Variants in BRWD1 observed in about 807,000 individuals in gnomAD.
The protein encoded by BRWD1 is bromodomain and WD repeat-containing protein 1.
In BRWD1, 82 loss-of-function variants were observed where a neutral mutation model predicts 251.2. That is an observed-to-expected ratio of 0.33 (90% CI 0.27 to 0.39). BRWD1 has a LOEUF of 0.39. BRWD1 is among the 10% of genes least tolerant of loss of function. The pLI is 1.00. For synonymous variants in BRWD1, 918 were observed against 902.8 expected (o/e 1.02, Z -0.30); for missense variants, 2,233 against 2,711.6 (o/e 0.82, Z 3.92).
At chr21:39,314,417 T>C (rs1195210677), upstream of BRWD1, 2 of 441,074 alleles carry the variant, frequency 4.5e-6, no homozygotes, top group Non-Finnish European at 9.2e-6. Context: ...CATCCAAGCA[T>C]GGACAGGAAA....
rs1158759780 is a variant in BRWD1, at chr21:39,281,910, G to A, written c.832-1662C>T. Among the ~76,000 whole-genome samples, 3 of 74,978 alleles carry A rather than the reference G, an allele frequency of 4.0e-5. No individual in the cohort carries two copies. In the South Asian group the frequency reaches 9.7e-4, roughly 24 times the overall value. 49.2% of individuals were successfully genotyped at this position (74,978 alleles called of 152,430 possible). A position where few individuals can be genotyped will look rare whatever the true frequency, so the allele number is the denominator to read the frequency against. Reference sequence around the variant, plus strand: ...TATATATATGTATGTATGTATACATGTATATATATACGTATACATACATAT... The same window carrying A: ...TATATATATGTATGTATGTATACATATATATATATACGTATACATACATAT... On this transcript the variant is annotated intron_variant, in intron 8 of 40. Transcript: ENST00000342449.
chr21:39,315,283 G>C (rs902417304), upstream of BRWD1, among the ~76,000 whole-genome samples: 1 of 151,774 alleles, frequency 6.6e-6, no homozygotes, highest in Non-Finnish European at 1.5e-5. Flanking sequence ...GGGATTACAT[G>C]CATGAGCCAC....
In BRWD1 at chr21:39,259,265, T is replaced by C. The variant is rs560162889; in HGVS notation, c.1886-593A>G. 2.1e-4 allele frequency among the ~76,000 whole-genome samples: 32 copies of C among 152,280 alleles called. 1 individual carries two copies. The South Asian group carries it at 5.0e-3, about 24-fold the overall frequency. On this transcript the variant is annotated intron_variant, in intron 17 of 40. Coordinates refer to ENST00000342449, the MANE Select transcript of BRWD1 (RefSeq NM_033656.4). ...TACTCTCTTAGATATGTTTTTAACA[T>C]AGCTACTACCCATAATTCTTACTTC...
intron 13 of BRWD1, among the ~76,000 whole-genome samples, chr21:39,271,841 C>A (rs527550737): frequency 6.6e-6 from 1 of 151,530 alleles, no homozygotes; most frequent in Non-Finnish European, 1.5e-5. Context: ...GAGTTCCAGA[C>A]CAACCTGGCC....
At chr21:39,243,507 G>A (rs899181985) in intron 21 of BRWD1, among the ~76,000 whole-genome samples, 6 of 152,016 alleles carry the variant, frequency 3.9e-5, no homozygotes, top group African/African-American at 9.7e-5. Context: ...TTACACTGGC[G>A]CAACCAAGGC....
Position 39,185,821 on chromosome 21 carries a change from G to T in BRWD1, c.*10438C>A, listed in dbSNP as rs1007257955. 2.6e-5 allele frequency: 4 copies of T among 152,080 alleles called. No homozygotes were observed. Among genetic ancestry groups the T allele is most frequent in the Admixed American group, 2.6e-4 (4 of 15,278 alleles). 9.4% of individuals were successfully genotyped at this position (152,080 alleles called of 1,614,324 possible). ...CATATATTCAGATATTTTTAAATGG[G>T]AAAACAACTTACTTTCAACAACTTA... On this transcript the variant is annotated 3_prime_UTR_variant, in exon 41 of 41. Transcript: ENST00000342449.
intron 8 of BRWD1, among the ~76,000 whole-genome samples, chr21:39,290,336 A>T (rs1407523273): frequency 3.3e-5 from 5 of 151,702 alleles, no homozygotes; most frequent in Admixed American, 3.3e-4. Context: ...AAAAATACAA[A>T]AAATTAGCCG....
In BRWD1 at chr21:39,295,892, G is replaced by T; in HGVS notation, c.460C>A (p.Arg154=). The part of the protein sequence containing the change: ...GSPPNLVEIH[R]GKQLTGCSTF... ...GAACACCCTGTGAGTTGTTTTCCTC[G>T]ATGTATCTCCACTAGGAAATAAAAA... is the stretch of plus-strand genomic sequence containing the variant. Residue 154 remains arginine (R), a synonymous_variant, in exon 7 of 41, where the codon CGA becomes AGA. Coordinates refer to ENST00000342449, the MANE Select transcript of BRWD1 (RefSeq NM_033656.4). 1 of 1,596,408 alleles carries T rather than the reference G, an allele frequency of 6.3e-7. No individual in the cohort carries two copies.
At chr21:39,309,735 G>A (rs2036409108) in intron 4 of BRWD1, among the ~76,000 whole-genome samples, 1 of 149,092 alleles carries the variant, frequency 6.7e-6, no homozygotes, top group East Asian at 2.0e-4. Flanking sequence ...TGAGGCTGGA[G>A]AATGGCGTGA....
intron 38 of BRWD1, among the ~76,000 whole-genome samples, chr21:39,201,069 C>G (rs2032085555): frequency 6.6e-6 from 1 of 152,222 alleles, no homozygotes; most frequent in Admixed American, 6.5e-5. Flanking sequence ...AAGACACCAT[C>G]ATTTCAATTC....
At chr21:39,252,942 A>G (rs1242691158) in intron 19 of BRWD1, among the ~76,000 whole-genome samples, 3 of 152,174 alleles carry the variant, frequency 2.0e-5, no homozygotes, top group Admixed American at 6.5e-5. Flanking sequence ...ACAAATACAG[A>G]TATGTAATAG....
At chr21:39,220,775 ACAAG>A (rs996131221) in intron 29 of BRWD1, among the ~76,000 whole-genome samples, 4 of 152,336 alleles carry the variant, frequency 2.6e-5, no homozygotes, top group African/African-American at 9.6e-5. Context: ...GATGAAAACA[ACAAG>A]CAGTAAGGTG....
chr21:39,317,245 C>A (rs2836982), upstream of BRWD1: 94,404 of 151,688 alleles, frequency 0.62, 29,642 homozygotes, highest in African/African-American at 0.68. Context: ...AATTCAATCC[C>A]AGCCATTCCA....
chr21:39,214,355 C>G (rs1189024593), intron 32 of BRWD1, among the ~76,000 whole-genome samples: 1 of 152,058 alleles, frequency 6.6e-6, no homozygotes, highest in Admixed American at 6.5e-5. Context: ...AGGACATAAT[C>G]TGAAACATTA....
Position 39,195,777 on chromosome 21 carries a change from AT to A in BRWD1, c.*481del. On this transcript the variant is annotated 3_prime_UTR_variant, in exon 41 of 41. Transcript: ENST00000342449. The stretch of plus-strand genomic sequence containing the variant: ...AAAGTGGTAGGTACCTCGCCTACTA[AT>A]CATGGTTACACCTCCCATGATTATA... The A allele has an allele frequency of 1.0e-6, 1 of 985,776 alleles. No individual in the cohort carries two copies. The highest frequency in any genetic ancestry group is 4.7e-5 in the South Asian group (1 of 21,290). 61.1% of individuals were successfully genotyped at this position (985,776 alleles called of 1,614,324 possible). A position where few individuals can be genotyped will look rare whatever the true frequency, so the allele number is the denominator to read the frequency against.
chr21:39,315,560 G>C (rs375982814), upstream of BRWD1: 91 of 152,306 alleles, frequency 6.0e-4, no homozygotes, highest in African/African-American at 2.1e-3. Context: ...CTTGAACCCC[G>C]GAGGCGGAGG....
intron 4 of BRWD1, among the ~76,000 whole-genome samples, chr21:39,311,524 C>T (rs979887148): frequency 9.9e-5 from 15 of 152,240 alleles, no homozygotes; most frequent in African/African-American, 3.6e-4. Context: ...GTTATTTTCT[C>T]TCAGGTAGCA....
rs763192355 is a variant in BRWD1 at position 39,228,510 on chromosome 21, A to G, written c.3198T>C (p.Asn1066=). The change falls in exon 27 of 41, where the codon AAT becomes AAC. Residue 1066 remains asparagine (N), a synonymous_variant. Transcript: ENST00000342449. The part of the protein sequence containing the change: ...RQFYDEARQR[N]WQSCDRFRSI... The stretch of plus-strand genomic sequence containing the variant: ...TAAGGATAGACTTACAAGACTGCCA[A>G]TTCCTCTGTCTTGCTTCATCATAAA... 3.1e-6 allele frequency: 5 copies of G among 1,611,566 alleles called. No homozygotes were observed. Among genetic ancestry groups the G allele is most frequent in the East Asian group, 2.2e-5 (1 of 44,782 alleles).
At chr21:39,276,294 A>C in intron 11 of BRWD1, 81 bp from the exon 12 acceptor site, 1 of 1,319,052 alleles carries the variant, frequency 7.6e-7, no homozygotes, top group Non-Finnish European at 1.0e-6. Flanking sequence ...TTAATGCTAG[A>C]AGCCTATTTG....
Sources: allele counts gnomAD v4.1 joint callset (sites outside exome capture counted in the v4.1 genomes callset), GRCh38; gene constraint gnomAD v4.1.1; transcripts MANE v1.5; gene names NCBI Gene and HGNC (gene_info 2026-07-23, HGNC 2026-07-21).